Variants in RALGPS1 observed in about 807,000 individuals in gnomAD.
RALGPS1 encodes Ral GEF with PH domain and SH3 binding motif 1.
Under a neutral mutation model 78.8 loss-of-function variants are expected in RALGPS1, and 19 were observed. The observed-to-expected ratio is 0.24, with a 90% CI of 0.17 to 0.35. The LOEUF (loss-of-function observed/expected upper bound fraction) is 0.35. Ranked by LOEUF, RALGPS1 falls within the 10% of genes least tolerant of loss-of-function variation. The pLI, the probability that RALGPS1 is intolerant of heterozygous loss-of-function variation, is 1.00. For missense variants in RALGPS1, 454 were observed against 688.3 expected (o/e 0.66, Z 3.81); for synonymous variants, 228 against 256.3 (o/e 0.89, Z 1.06).
chr9:126,975,603 A>G (rs533936439), intron 3 of RALGPS1, among the ~76,000 whole-genome samples: 3 of 152,156 alleles, frequency 2.0e-5, no homozygotes, highest in Non-Finnish European at 4.4e-5. Flanking sequence ...CTTAATCCAA[A>G]TATGAGAAGC....
intron 4 of RALGPS1, among the ~76,000 whole-genome samples, chr9:126,978,735 T>C (rs1019793147): frequency 3.9e-5 from 6 of 152,204 alleles, no homozygotes; most frequent in Non-Finnish European, 5.9e-5. Context: ...CAGTCCCTAC[T>C]TCCTGCTCCG....
chr9:126,992,377 A>T (rs2042355977), intron 4 of RALGPS1, among the ~76,000 whole-genome samples: 1 of 152,120 alleles, frequency 6.6e-6, no homozygotes, highest in Admixed American at 6.5e-5. Flanking sequence ...CACCCCAAAA[A>T]TTTTTTAATA....
chr9:126,948,248 G>C (rs2037469926), intron 1 of RALGPS1, among the ~76,000 whole-genome samples: 2 of 152,216 alleles, frequency 1.3e-5, no homozygotes, highest in South Asian at 4.1e-4. Flanking sequence ...GGGCGCAGTG[G>C]CTCATGCCTG....
Position 127,044,614 on chromosome 9 carries a change from C to T in RALGPS1, c.301-5429C>T, listed in dbSNP as rs900417057. On this transcript the variant is annotated intron_variant, in intron 5 of 18. Transcript: ENST00000259351. ...TTATTTTAAATTCAGGGTACCTGTG[C>T]AGGTTTGTTACATGAGTATATTGCA... is the stretch of plus-strand genomic sequence containing the variant. 3.3e-5 allele frequency among the ~76,000 whole-genome samples: 5 copies of T among 151,970 alleles called. No individual in the cohort carries two copies. In the South Asian group the frequency reaches 1.0e-3, roughly 31 times the overall value.
At chr9:127,167,710 A>G (rs1478681501) in intron 9 of RALGPS1, among the ~76,000 whole-genome samples, 1 of 152,230 alleles carries the variant, frequency 6.6e-6, no homozygotes, top group African/African-American at 2.4e-5. Context: ...GAATCTCGCT[A>G]TGAAAGGCCA....
chr9:127,158,702 A>G (rs1304707080), intron 8 of RALGPS1, among the ~76,000 whole-genome samples: 1 of 149,196 alleles, frequency 6.7e-6, no homozygotes, highest in Non-Finnish European at 1.5e-5. Flanking sequence ...CTATATAATG[A>G]ATACTTAGTT....
At chr9:127,050,190 C>G in intron 6 of RALGPS1, 58 bp downstream of exon 6, 1 of 1,342,458 alleles carries the variant, frequency 7.4e-7, no homozygotes, top group African/African-American at 1.4e-5. Flanking sequence ...CACCTCCTCC[C>G]CAAAAATATG....
At chr9:126,969,943 G>T (rs540513510) in intron 3 of RALGPS1, among the ~76,000 whole-genome samples, 3 of 152,174 alleles carry the variant, frequency 2.0e-5, no homozygotes, top group African/African-American at 7.2e-5. Context: ...GGTCTCTGGA[G>T]TCTTTGGCCT....
chr9:126,949,990 A>T (rs1185526285), intron 1 of RALGPS1, among the ~76,000 whole-genome samples: 1 of 152,102 alleles, frequency 6.6e-6, no homozygotes, highest in Non-Finnish European at 1.5e-5. Context: ...TAATTTTTGT[A>T]TAAGGTGTAA....
intron 10 of RALGPS1, among the ~76,000 whole-genome samples, chr9:127,171,748 C>T (rs1054709636): frequency 3.3e-5 from 5 of 152,080 alleles, no homozygotes; most frequent in East Asian, 1.9e-4. Flanking sequence ...GACAGTGAGA[C>T]TCCATCTCAA....
intron 8 of RALGPS1, among the ~76,000 whole-genome samples, chr9:127,164,675 G>T (rs57141260): frequency 1.3e-5 from 2 of 151,074 alleles, no homozygotes; most frequent in African/African-American, 4.9e-5. Flanking sequence ...AAATAGCTGA[G>T]ACTACAGGTA....
chr9:126,958,496 T>C (rs928580715), intron 1 of RALGPS1, among the ~76,000 whole-genome samples: 1 of 152,140 alleles, frequency 6.6e-6, no homozygotes, highest in African/African-American at 2.4e-5. Context: ...TTTCTGGACA[T>C]TTCCTAAAAA....
At chr9:127,207,915 C>T (rs2062022387) in intron 14 of RALGPS1, among the ~76,000 whole-genome samples, 1 of 152,254 alleles carries the variant, frequency 6.6e-6, no homozygotes, top group Non-Finnish European at 1.5e-5. Context: ...CGGCACAGGC[C>T]CTCCACCCGC....
chr9:127,172,268 C>T lies in RALGPS1; in HGVS notation c.843-2447C>T, dbSNP rs79294722. 3.1e-3 allele frequency among the ~76,000 whole-genome samples: 471 copies of T among 152,352 alleles called. 10 individuals carry two copies. The highest frequency in any genetic ancestry group is 0.024 in the Admixed American group (363 of 15,304). On this transcript the variant is annotated intron_variant, in intron 10 of 18. Transcript: ENST00000259351. ...TGTTTCTCTCCCTCAGCACTGCAGGCCGTGTGCCGTTGCCTCTGGGCTTTG... is the reference window on the plus strand; with the variant it reads ...TGTTTCTCTCCCTCAGCACTGCAGGTCGTGTGCCGTTGCCTCTGGGCTTTG...
chr9:126,989,649 G>A (rs2133157652), intron 4 of RALGPS1, among the ~76,000 whole-genome samples: 1 of 152,320 alleles, frequency 6.6e-6, no homozygotes, highest in African/African-American at 2.4e-5. Flanking sequence ...GGCCCTGGAG[G>A]GAACCTGCTA....
intron 4 of RALGPS1, among the ~76,000 whole-genome samples, chr9:126,980,700 C>A (rs554531820): frequency 6.6e-6 from 1 of 152,250 alleles, no homozygotes; most frequent in East Asian, 1.9e-4. Context: ...CTTAATTCAG[C>A]CCACAGAGGT....
chr9:127,197,112 T>C, intron 13 of RALGPS1, among the ~76,000 whole-genome samples: 1 of 152,126 alleles, frequency 6.6e-6, no homozygotes, highest in Non-Finnish European at 1.5e-5. Flanking sequence ...GATGAAAAAT[T>C]GATATTCAGG....
At chr9:127,189,712 C>T (rs558412146) in intron 11 of RALGPS1, among the ~76,000 whole-genome samples, 125 of 152,218 alleles carry the variant, frequency 8.2e-4, no homozygotes, top group Non-Finnish European at 1.6e-3. Context: ...CAGCTCAGTA[C>T]CCCAGGGTTA....
At chr9:127,156,324 A>T (rs1441731430) in intron 8 of RALGPS1, among the ~76,000 whole-genome samples, 34 of 152,300 alleles carry the variant, frequency 2.2e-4, no homozygotes, top group Admixed American at 1.2e-3. Context: ...AAGTGGAATT[A>T]CTGGGTCCTA....
Sources: allele counts gnomAD v4.1 joint callset (sites outside exome capture counted in the v4.1 genomes callset), GRCh38; gene constraint gnomAD v4.1.1; transcripts MANE v1.5; gene names NCBI Gene and HGNC (gene_info 2026-07-23, HGNC 2026-07-21).